CRADD: variants seen among roughly 807,000 people sequenced by gnomAD.
The protein encoded by CRADD is death domain-containing protein CRADD.
A neutral mutation model predicts 15.5 loss-of-function variants in CRADD; 9 were observed. That is an observed-to-expected ratio of 0.58 (90% CI 0.35 to 1.01). The LOEUF is 1.01. Among genes scored for constraint, CRADD ranks in the 50% least tolerant of loss-of-function variants. The pLI is 0.02. For synonymous variants in CRADD, 118 were observed against 107.6 expected, an observed-to-expected ratio of 1.10 and a Z score of -0.60; for missense variants, 227 against 250.3, an observed-to-expected ratio of 0.91 and a Z score of 0.63.
chr12:93,766,322 G>A (rs1298472979), intron 2 of CRADD, among the ~76,000 whole-genome samples: 1 of 152,146 alleles, frequency 6.6e-6, no homozygotes, highest in East Asian at 1.9e-4. Flanking sequence ...CTGCCCCATT[G>A]CAATGTCTTT....
intron 2 of CRADD, among the ~76,000 whole-genome samples, chr12:93,886,399 G>A (rs571202006): frequency 7.9e-5 from 12 of 152,172 alleles, no homozygotes; most frequent in Non-Finnish European, 1.5e-4. Flanking sequence ...GAGCTCAAGC[G>A]ATCTGTCCGC....
chr12:93,894,242 G>T, exon 3 of CRADD: 15 of 533,854 alleles, frequency 2.8e-5, no homozygotes, highest in East Asian at 7.9e-5. Flanking sequence ...GGCGTTTTTG[G>T]TTGTCACAAT....
At chr12:93,862,598 G>A (rs1958327198) in intron 2 of CRADD, among the ~76,000 whole-genome samples, 1 of 152,176 alleles carries the variant, frequency 6.6e-6, no homozygotes, top group Non-Finnish European at 1.5e-5. Flanking sequence ...AATTACATCT[G>A]TTAAGTAAGG....
chr12:93,779,738 C>T (rs1229032192), intron 2 of CRADD, among the ~76,000 whole-genome samples: 1 of 152,008 alleles, frequency 6.6e-6, no homozygotes, highest in African/African-American at 2.4e-5. Flanking sequence ...TACAGGTGCC[C>T]ACCACCATGT....
At chr12:93,734,917 C>T (rs1208640979) in intron 2 of CRADD, among the ~76,000 whole-genome samples, 1 of 152,148 alleles carries the variant, frequency 6.6e-6, no homozygotes, top group Non-Finnish European at 1.5e-5. Context: ...TTCCTCATCC[C>T]CCTGCCAAGG....
intron 2 of CRADD, among the ~76,000 whole-genome samples, chr12:93,743,842 A>ATT (rs967971683): frequency 4.6e-5 from 7 of 151,462 alleles, no homozygotes; most frequent in African/African-American, 1.7e-4. Context: ...TGTTAGCAAC[A>ATT]TTTTTTTTTA....
At chr12:93,869,135 C>A (rs1410519929) in intron 2 of CRADD, among the ~76,000 whole-genome samples, 1 of 152,070 alleles carries the variant, frequency 6.6e-6, no homozygotes, top group Non-Finnish European at 1.5e-5. Context: ...CATCAGTATG[C>A]CAGAAGCATC....
In CRADD at chr12:93,831,567, C is replaced by CA. The variant is rs139391545; in HGVS notation, c.299-18399dup. Among the ~76,000 whole-genome samples the CA allele has an allele frequency of 8.1e-3, 1,234 of 152,326 alleles. 13 individuals carry two copies. The highest frequency in any genetic ancestry group is 0.028 in the African/African-American group (1,149 of 41,568). ...CTGCACGGGGAATGCAGCTGCTACC[C>CA]AAAATGCAACTGCTCCACAAGTGTT... is the stretch of plus-strand genomic sequence containing the variant. On this transcript the variant is annotated intron_variant, in intron 2 of 2. Coordinates refer to ENST00000332896, the MANE Select transcript of CRADD (RefSeq NM_003805.5).
chr12:93,684,564 T>C (rs1210947652), intron 2 of CRADD, among the ~76,000 whole-genome samples: 2 of 152,100 alleles, frequency 1.3e-5, no homozygotes, highest in African/African-American at 2.4e-5. Flanking sequence ...GCTGGAGATA[T>C]AACAGTAAAC....
intron 2 of CRADD, among the ~76,000 whole-genome samples, chr12:93,713,192 G>A (rs373096907): frequency 1.3e-5 from 2 of 152,110 alleles, no homozygotes; most frequent in African/African-American, 4.8e-5. Context: ...AAAGAGGTCT[G>A]TGCGGTACTC....
At chr12:93,734,357 G>A (rs1191227663) in intron 2 of CRADD, among the ~76,000 whole-genome samples, 1 of 152,122 alleles carries the variant, frequency 6.6e-6, no homozygotes, top group Non-Finnish European at 1.5e-5. Flanking sequence ...TCATTTGCTA[G>A]ATGAGGAAAC....
chr12:93,843,781 T>C (rs898686110), intron 2 of CRADD, among the ~76,000 whole-genome samples: 1 of 151,658 alleles, frequency 6.6e-6, no homozygotes, highest in Non-Finnish European at 1.5e-5. Context: ...AGTGCAGTGA[T>C]GCGATCTCAG....
At chr12:93,822,117 C>CAAAA (rs34990364) in intron 2 of CRADD, among the ~76,000 whole-genome samples, 2 of 140,866 alleles carry the variant, frequency 1.4e-5, no homozygotes, top group South Asian at 2.3e-4. Context: ...GACTCAGTCT[C>CAAAA]AAAAAAAAAA....
At chr12:93,865,939 G>A (rs1359887525) in intron 2 of CRADD, among the ~76,000 whole-genome samples, 3 of 151,986 alleles carry the variant, frequency 2.0e-5, no homozygotes, top group Non-Finnish European at 2.9e-5. Context: ...TAGCTTGGCT[G>A]GGTATAAAAT....
chr12:93,710,740 A>C (rs182030744), intron 2 of CRADD, among the ~76,000 whole-genome samples: 11 of 152,210 alleles, frequency 7.2e-5, no homozygotes, highest in African/African-American at 2.4e-4. Context: ...GCCCAAATTC[A>C]AAGGGAGGGG....
At chr12:93,892,682 C>T (rs1392714151) in intron 2 of CRADD, among the ~76,000 whole-genome samples, 2 of 152,006 alleles carry the variant, frequency 1.3e-5, no homozygotes, top group African/African-American at 2.4e-5. Flanking sequence ...AGCTGGTGGG[C>T]GCTCTCAGTG....
At chr12:93,738,157 T>C in intron 2 of CRADD, 1 of 599,390 alleles carries the variant, frequency 1.7e-6, no homozygotes, top group Admixed American at 3.0e-5. Flanking sequence ...CTTAGCTGTT[T>C]TGTCAGTTGG....
At chr12:93,761,927 T>A (rs1956970331) in intron 2 of CRADD, among the ~76,000 whole-genome samples, 1 of 152,204 alleles carries the variant, frequency 6.6e-6, no homozygotes, top group Non-Finnish European at 1.5e-5. Context: ...ATACGGCAGA[T>A]TCAGAAAATT....
intron 2 of CRADD, among the ~76,000 whole-genome samples, chr12:93,864,908 T>G (rs1039906826): frequency 2.0e-5 from 3 of 152,258 alleles, no homozygotes; most frequent in Non-Finnish European, 2.9e-5. Context: ...AACACCGTTA[T>G]AAGGAGGCAA....
Sources: allele counts gnomAD v4.1 joint callset (sites outside exome capture counted in the v4.1 genomes callset), GRCh38; gene constraint gnomAD v4.1.1; transcripts MANE v1.5; gene names NCBI Gene and HGNC (gene_info 2026-07-23, HGNC 2026-07-21).